The following BAZ2A variants were observed in gnomAD, a reference collection of about 807,000 sequenced individuals.
BAZ2A encodes bromodomain adjacent to zinc finger domain protein 2A.
In BAZ2A, 34 loss-of-function variants were observed where a neutral mutation model predicts 199.9. That is an observed-to-expected ratio of 0.17 (90% CI 0.13 to 0.23). The LOEUF (loss-of-function observed/expected upper bound fraction) is 0.23, where lower values mean the gene tolerates loss of function less well. Ranked by LOEUF, BAZ2A falls within the 10% of genes least tolerant of loss-of-function variation. BAZ2A has a pLI of 1.00. For missense variants in BAZ2A, 2,002 were observed against 2,391.1 expected, an observed-to-expected ratio of 0.84 and a Z score of 3.39; for synonymous variants, 857 against 883.9, an observed-to-expected ratio of 0.97 and a Z score of 0.54.
intron 10 of BAZ2A, among the ~76,000 whole-genome samples, chr12:56,608,482 T>G (rs555256238): frequency 9.4e-4 from 143 of 152,240 alleles, no homozygotes; most frequent in Non-Finnish European, 9.6e-4. Context: ...TTCTTCACAC[T>G]ACACCAGGGT....
intron 10 of BAZ2A, among the ~76,000 whole-genome samples, chr12:56,609,394 G>C (rs886312889): frequency 6.6e-6 from 1 of 152,122 alleles, no homozygotes; most frequent in East Asian, 1.9e-4. Flanking sequence ...CTCCATGATA[G>C]TAGAAATGGG....
chr12:56,596,786 T>G lies in BAZ2A; in HGVS notation c.*1832A>C, dbSNP rs1885876400. The G allele has an allele frequency of 6.6e-6, 1 of 152,376 alleles. No individual in the cohort carries two copies. The highest frequency in any genetic ancestry group is 2.1e-4 in the South Asian group (1 of 4,824). The allele number at this position is 152,376 out of a possible 1,614,324, so 9.4% of individuals were successfully genotyped here. A position where few individuals can be genotyped will look rare whatever the true frequency, so the allele number is the denominator to read the frequency against. On this transcript the variant is annotated 3_prime_UTR_variant, in exon 29 of 29. Coordinates refer to ENST00000549884, the MANE Select transcript of BAZ2A (RefSeq NM_001300905.2). Reference sequence around the variant, plus strand: ...CTTAAAAGCAAAAAAAAATCTCAAATAAAATTAAAAGTTTTGAGGTTTATC... The same window carrying G: ...CTTAAAAGCAAAAAAAAATCTCAAAGAAAATTAAAAGTTTTGAGGTTTATC...
chr12:56,611,704 C>T (rs1405816122), intron 6 of BAZ2A, 69 bp downstream of exon 6: 1 of 1,537,404 alleles, frequency 6.5e-7, no homozygotes, highest in African/African-American at 1.4e-5. Context: ...TAGGGAAAGG[C>T]TAACTACAAC....
chr12:56,601,430 T>A, intron 20 of BAZ2A, 28 bp from the exon 21 acceptor site: 2 of 1,602,554 alleles, frequency 1.2e-6, no homozygotes, highest in Non-Finnish European at 1.7e-6. Flanking sequence ...CATAAGGAAA[T>A]GAGGATGTTT....
chr12:56,630,918 A>G, upstream of BAZ2A: 2 of 927,580 alleles, frequency 2.2e-6, no homozygotes, highest in Non-Finnish European at 2.6e-6. Context: ...CAAAGACCTG[A>G]GTGTAGCCTA....
At chr12:56,608,765 C>T (rs1034174506) in intron 10 of BAZ2A, among the ~76,000 whole-genome samples, 31 of 148,834 alleles carry the variant, frequency 2.1e-4, no homozygotes, top group African/African-American at 7.7e-4. Context: ...GACAGGGTTT[C>T]TTCATGTTGG....
chr12:56,637,302 C>A (rs889072964), upstream of BAZ2A, among the ~76,000 whole-genome samples: 7 of 152,162 alleles, frequency 4.6e-5, no homozygotes, highest in Non-Finnish European at 8.8e-5. Flanking sequence ...TATCTTCTAC[C>A]CCTGCACCTC....
intron 2 of BAZ2A, 94 bp downstream of exon 2, chr12:56,617,301 C>T (rs1242303632): frequency 2.3e-6 from 3 of 1,279,776 alleles, no homozygotes; most frequent in Non-Finnish European, 3.0e-6. Flanking sequence ...TGATTTCTCT[C>T]CAGCAGCAAA....
chr12:56,606,564 T>C lies in BAZ2A; in HGVS notation c.2193+69A>G, dbSNP rs1341992210. The C allele has an allele frequency of 3.4e-6, 5 of 1,463,806 alleles. No individual in the cohort carries two copies. The East Asian group carries it at 6.8e-5, about 20-fold the overall frequency. 90.7% of individuals were successfully genotyped at this position (1,463,806 alleles called of 1,614,324 possible). On this transcript the variant is annotated intron_variant, in intron 11 of 28. Transcript: ENST00000549884. ...CACAGGGAGTGACGGATGTGGGAAA[T>C]GAAAATAAAAGATGAAGTAAGTTGT...
At chr12:56,614,708 G>A (rs545086821) in intron 3 of BAZ2A, among the ~76,000 whole-genome samples, 2 of 152,238 alleles carry the variant, frequency 1.3e-5, no homozygotes, top group African/African-American at 2.4e-5. Flanking sequence ...TAACCACTCC[G>A]TATATTTTGA....
Position 56,600,479 on chromosome 12 carries a change from A to G in BAZ2A, c.4614T>C (p.Cys1538=), listed in dbSNP as rs776877517. Residue 1538 remains cysteine, a synonymous_variant, in exon 24 of 29, where the codon TGT becomes TGC. Coordinates refer to ENST00000549884, the MANE Select transcript of BAZ2A (RefSeq NM_001300905.2). ...CTTCACGGGTAGAGTCTGGGCTAGG[A>G]CATGTCCAGCCCTTCAGTTAAGAGA... ...MSDLQIRGWT[C]PSPDSTREDL... The G allele has an allele frequency of 1.2e-6, 2 of 1,613,082 alleles. No homozygotes were observed. The highest frequency in any genetic ancestry group is 1.1e-5 in the South Asian group (1 of 91,074).
chr12:56,611,608 A>G lies in BAZ2A; in HGVS notation c.1635T>C (p.Ala545=). 6.2e-7 allele frequency: 1 copy of G among 1,612,136 alleles called. No individual in the cohort carries two copies. Among genetic ancestry groups the G allele is most frequent in the Non-Finnish European group, 8.5e-7 (1 of 1,179,264 alleles). ...GSGDVMRRRI[A]TPEEVRLPLQ... ...GGGGAAGACGAACTTCTTCTGGGGT[A>G]GCAATACGTCTCCTCATGACATCAC... Residue 545 remains alanine, a synonymous_variant, in exon 7 of 29, where the codon GCT becomes GCC. Transcript: ENST00000549884.
chr12:56,616,824 A>G (rs983801209), intron 2 of BAZ2A, among the ~76,000 whole-genome samples: 2 of 152,220 alleles, frequency 1.3e-5, no homozygotes, highest in Non-Finnish European at 2.9e-5. Context: ...GTCATGGTAC[A>G]GAGCAACTGG....
Position 56,610,121 on chromosome 12 carries a change from G to A in BAZ2A, c.1874C>T (p.Thr625Met), listed in dbSNP as rs559867064. The A allele has an allele frequency of 9.3e-6, 15 of 1,613,840 alleles. No homozygotes were observed. In the East Asian group the frequency reaches 1.1e-4, roughly 12 times the overall value. Residue 625 changes from threonine to methionine, a missense_variant, in exon 9 of 29, where the codon ACG becomes ATG. Transcript: ENST00000549884. ...PVGDFFEERD[T>M]PEGLQWVQLS... ...TAACCCTTGGGTCTGCACCTCTGGC[G>A]TGTCTCTTTCTTCAAAGAAATCTCC... is the stretch of plus-strand genomic sequence containing the variant.
intron 7 of BAZ2A, 22 bp downstream of exon 7, chr12:56,611,551 T>C (rs1950558696): frequency 6.2e-7 from 1 of 1,603,566 alleles, no homozygotes. Context: ...GGTCAATAAA[T>C]GTAGCAAACT....
upstream of BAZ2A, among the ~76,000 whole-genome samples, chr12:56,633,925 G>A (rs538241041): frequency 1.3e-5 from 2 of 152,214 alleles, no homozygotes; most frequent in Admixed American, 6.5e-5. Flanking sequence ...TAGAGACAAG[G>A]TTTTGCCATG....
At position 56,603,374 on chromosome 12, in the gene BAZ2A, T is replaced by C. The variant is rs1220459114; in HGVS notation, c.3264A>G (p.Ile1088Met). ...ASSIPELERQIEKLSKRQLFF... is the reference protein window; with the variant it reads ...ASSIPELERQMEKLSKRQLFF... ...AGCACAATACCTTGCTGAGTTTTTC[T>C]ATCTGGCGCTCTAGCTCTGGGATGC... Residue 1088 changes from isoleucine to methionine, a missense_variant, in exon 18 of 29, where the codon ATA becomes ATG. Ile to Met is a conservative substitution (Grantham distance 10). Transcript: ENST00000549884. The C allele has an allele frequency of 1.2e-6, 2 of 1,614,044 alleles. No individual in the cohort carries two copies. Among genetic ancestry groups the C allele is most frequent in the East Asian group, 4.5e-5 (2 of 44,896 alleles).
chr12:56,630,901 C>T, upstream of BAZ2A: 1 of 972,768 alleles, frequency 1.0e-6, no homozygotes, highest in Non-Finnish European at 1.2e-6. Flanking sequence ...GCTCTGGAAC[C>T]AGACAGCAAA....
upstream of BAZ2A, chr12:56,630,336 C>T (rs1951271944): frequency 1.0e-6 from 1 of 966,578 alleles, no homozygotes; most frequent in Non-Finnish European, 1.2e-6. Flanking sequence ...TGAGTCGGAG[C>T]CGGAGGGGGC....
Sources: gnomAD v4.1 joint callset for allele counts (sites outside exome capture counted in the v4.1 genomes callset) on GRCh38, gnomAD v4.1.1 for gene constraint, MANE v1.5 for transcripts, NCBI Gene and HGNC (gene_info 2026-07-23, HGNC 2026-07-21) for gene names.